Variants in ANKRD45 observed in about 807,000 individuals in gnomAD.
ANKRD45 encodes ankyrin repeat domain-containing protein 45.
ANKRD45 carries 21 observed loss-of-function variants against 28.1 expected under a neutral mutation model. The observed-to-expected ratio is 0.75, with a 90% CI of 0.53 to 1.08. The LOEUF (loss-of-function observed/expected upper bound fraction) is 1.08. Ranked by LOEUF, ANKRD45 falls within the 50% of genes least tolerant of loss-of-function variation. ANKRD45 has a pLI of 0.00. For synonymous variants in ANKRD45, 86 were observed against 103.9 expected, an observed-to-expected ratio of 0.83 and a Z score of 1.05; for missense variants, 261 against 308.7, an observed-to-expected ratio of 0.85 and a Z score of 1.16.
the ANKRD45 span, among the ~76,000 whole-genome samples, chr1:173,688,372 CTT>C: frequency 1.3e-5 from 2 of 150,948 alleles, no homozygotes; most frequent in African/African-American, 4.9e-5. Context: ...CTCTCTGCCT[CTT>C]CCTCTCTCTC....
chr1:173,647,552 A>C (rs539824001), intron 2 of ANKRD45, among the ~76,000 whole-genome samples: 1 of 152,330 alleles, frequency 6.6e-6, no homozygotes, highest in Admixed American at 6.5e-5. Context: ...TCAAGTGACT[A>C]TCATGAGGTA....
chr1:173,669,623 T>G (rs1670175338), intron 1 of ANKRD45, among the ~76,000 whole-genome samples, 194 bp downstream of exon 1: 1 of 152,152 alleles, frequency 6.6e-6, no homozygotes, highest in African/African-American at 2.4e-5. Context: ...CCTTCTGCGA[T>G]CCCTTGCGGC....
intron 5 of ANKRD45, among the ~76,000 whole-genome samples, chr1:173,623,389 C>T (rs574288892): frequency 3.3e-5 from 5 of 151,338 alleles, no homozygotes; most frequent in African/African-American, 9.7e-5. Context: ...TAGAGAAATG[C>T]GAATCAAAAA....
At chr1:173,647,883 A>C (rs1287225074) in intron 2 of ANKRD45, among the ~76,000 whole-genome samples, 1 of 152,096 alleles carries the variant, frequency 6.6e-6, no homozygotes, top group African/African-American at 2.4e-5. Context: ...TCCTAGGCTC[A>C]AGCAATCTTC....
chr1:173,694,167 T>C, the ANKRD45 span, among the ~76,000 whole-genome samples: 4 of 151,466 alleles, frequency 2.6e-5, no homozygotes, highest in Non-Finnish European at 5.9e-5. Flanking sequence ...GGATTTCAAT[T>C]TTTTTTTTCT....
chr1:173,643,726 T>G (rs951832455), intron 3 of ANKRD45, among the ~76,000 whole-genome samples: 5 of 152,270 alleles, frequency 3.3e-5, no homozygotes, highest in African/African-American at 1.2e-4. Flanking sequence ...ACAGAAGATT[T>G]GACTTAAAGT....
At chr1:173,656,002 A>G (rs1480503865) in intron 2 of ANKRD45, among the ~76,000 whole-genome samples, 1 of 152,208 alleles carries the variant, frequency 6.6e-6, no homozygotes, top group Non-Finnish European at 1.5e-5. Flanking sequence ...TTCCAGGTAC[A>G]GTGTATCATG....
intron 5 of ANKRD45, among the ~76,000 whole-genome samples, chr1:173,611,703 T>G (rs537259508): frequency 2.3e-4 from 35 of 150,718 alleles, no homozygotes; most frequent in African/African-American, 8.0e-4. Context: ...AAACATAGAA[T>G]TAAATCTTGG....
Position 173,608,841 on chromosome 1 carries a change from G to GGGGGA in ANKRD45, c.*1299_*1303dup, listed in dbSNP as rs1213163275. Among the ~76,000 whole-genome samples, 2 of 110,212 alleles carry GGGGGA rather than the reference G, an allele frequency of 1.8e-5. No individual in the cohort carries two copies. The highest frequency in any genetic ancestry group is 1.0e-4 in the African/African-American group (2 of 19,986). The allele number at this position is 110,212 out of a possible 152,430, so 72.3% of individuals were successfully genotyped here. On this transcript the variant is annotated 3_prime_UTR_variant, in exon 6 of 6. Coordinates refer to ENST00000333279, the MANE Select transcript of ANKRD45 (RefSeq NM_198493.3). ...AAGAGGAGGAGGAGAGAGAAGAGGA[G>GGGGGA]GGGGAGGGGAGGGGAGAGGAAGGGA... is the stretch of plus-strand genomic sequence containing the variant.
rs1034959994 is a variant in ANKRD45 at position 173,635,451 on chromosome 1, A to G, written c.497-8292T>C. On this transcript the variant is annotated intron_variant, in intron 3 of 5. Transcript: ENST00000333279. Reference sequence around the variant, plus strand: ...GTAGGGAATTTAGTTATTTTATTTTATTATTTAGCTAATTTAGCTATTTTA... The same window carrying G: ...GTAGGGAATTTAGTTATTTTATTTTGTTATTTAGCTAATTTAGCTATTTTA... The G allele has an allele frequency of 4.7e-6, 5 of 1,074,170 alleles. No individual in the cohort carries two copies. The African/African-American group carries it at 6.4e-5, about 14-fold the overall frequency. 66.5% of individuals were successfully genotyped at this position (1,074,170 alleles called of 1,614,324 possible).
chr1:173,669,051 A>T (rs942634211), intron 1 of ANKRD45, among the ~76,000 whole-genome samples: 5 of 152,252 alleles, frequency 3.3e-5, no homozygotes, highest in Admixed American at 1.3e-4. Context: ...ATAGAAAATC[A>T]CATAGGTCAT....
the ANKRD45 span, among the ~76,000 whole-genome samples, chr1:173,707,694 T>A: frequency 6.6e-6 from 1 of 152,214 alleles, no homozygotes; most frequent in East Asian, 1.9e-4. Context: ...GCTTTCATTA[T>A]TACCTTAAGC....
intron 2 of ANKRD45, among the ~76,000 whole-genome samples, chr1:173,649,773 C>A (rs906000467): frequency 6.6e-6 from 1 of 152,100 alleles, no homozygotes; most frequent in Non-Finnish European, 1.5e-5. Flanking sequence ...TTGCTTTACA[C>A]ATTCATGTCT....
At chr1:173,689,552 A>C in the ANKRD45 span, among the ~76,000 whole-genome samples, 1 of 152,124 alleles carries the variant, frequency 6.6e-6, no homozygotes, top group Non-Finnish European at 1.5e-5. Flanking sequence ...TTTTAGTGAC[A>C]AATTGGAGTT....
chr1:173,628,170 A>G (rs1668020761), intron 3 of ANKRD45, among the ~76,000 whole-genome samples: 1 of 151,674 alleles, frequency 6.6e-6, no homozygotes, highest in Non-Finnish European at 1.5e-5. Flanking sequence ...ACTCAGAGCC[A>G]TGCTGGCTTC....
chr1:173,623,551 CA>C (rs1667793573), intron 5 of ANKRD45, among the ~76,000 whole-genome samples: 2 of 152,104 alleles, frequency 1.3e-5, no homozygotes, highest in Non-Finnish European at 2.9e-5. Flanking sequence ...GACAGTATGG[CA>C]ATTCCTCAAA....
the ANKRD45 span, among the ~76,000 whole-genome samples, chr1:173,703,663 G>C: frequency 6.6e-6 from 1 of 152,186 alleles, no homozygotes; most frequent in African/African-American, 2.4e-5. Context: ...CACAAACGTA[G>C]GTTTCCCAAT....
intron 5 of ANKRD45, among the ~76,000 whole-genome samples, chr1:173,615,599 C>T (rs1363252744): frequency 6.6e-6 from 1 of 151,916 alleles, no homozygotes; most frequent in Non-Finnish European, 1.5e-5. Context: ...AAAAAAAAGA[C>T]AATGACAAAT....
chr1:173,619,920 A>G (rs546117593), intron 5 of ANKRD45, among the ~76,000 whole-genome samples: 13 of 152,272 alleles, frequency 8.5e-5, no homozygotes, highest in African/African-American at 2.2e-4. Flanking sequence ...CTAAATATAT[A>G]TGCACACAAT....
Sources: gnomAD v4.1 joint callset for allele counts (sites outside exome capture counted in the v4.1 genomes callset) on GRCh38, gnomAD v4.1.1 for gene constraint, MANE v1.5 for transcripts, NCBI Gene and HGNC (gene_info 2026-07-23, HGNC 2026-07-21) for gene names.